Variants in SLC30A7 observed in about 807,000 individuals in gnomAD.
SLC30A7 encodes solute carrier family 30 member 7.
SLC30A7 carries 35 observed loss-of-function variants against 46.0 expected under a neutral mutation model. The ratio of observed to expected loss-of-function variants is 0.76; its 90% CI spans 0.58 to 1.01. The LOEUF (loss-of-function observed/expected upper bound fraction) is 1.01, where lower values mean the gene tolerates loss of function less well. Among genes scored for constraint, SLC30A7 ranks in the 50% least tolerant of loss-of-function variants. The pLI is 0.00. For synonymous variants in SLC30A7, 147 were observed against 157.8 expected (o/e 0.93, Z 0.51); for missense variants, 464 against 451.1 (o/e 1.03, Z -0.26).
chr1:100,994,777 T>G, the SLC30A7 span, among the ~76,000 whole-genome samples: 2 of 152,182 alleles, frequency 1.3e-5, no homozygotes, highest in Non-Finnish European at 2.9e-5. Context: ...TCCACCTGCC[T>G]CAGCCTCCCA....
chr1:100,996,011 A>T, the SLC30A7 span: 1 of 152,252 alleles, frequency 6.6e-6, no homozygotes, highest in Non-Finnish European at 1.5e-5. Flanking sequence ...TATAAAGGAT[A>T]TCAAAGAGTT....
chr1:100,969,051 C>T (rs1009860215), intron 10 of SLC30A7, among the ~76,000 whole-genome samples: 6 of 152,044 alleles, frequency 3.9e-5, no homozygotes, highest in Non-Finnish European at 7.4e-5. Context: ...AATAATCTTA[C>T]GTATAATTAG....
chr1:100,987,246 T>C, the SLC30A7 span, among the ~76,000 whole-genome samples: 43 of 152,342 alleles, frequency 2.8e-4, no homozygotes, highest in Non-Finnish European at 5.0e-4. Context: ...TCACTCAGTT[T>C]ATTGGATCTG....
At chr1:100,949,165 T>A (rs989032923) in intron 8 of SLC30A7, among the ~76,000 whole-genome samples, 1 of 152,204 alleles carries the variant, frequency 6.6e-6, no homozygotes, top group Non-Finnish European at 1.5e-5. Context: ...TGGTTTTATC[T>A]ACCTTTGGTC....
chr1:100,907,692 CCT>C (rs1553235598), intron 3 of SLC30A7, among the ~76,000 whole-genome samples: 1 of 151,302 alleles, frequency 6.6e-6, no homozygotes, highest in Admixed American at 6.6e-5. Context: ...TAATTCTTCC[CCT>C]CTGTCCTTTT....
At chr1:100,940,071 C>T (rs999844250) in intron 8 of SLC30A7, among the ~76,000 whole-genome samples, 1 of 151,820 alleles carries the variant, frequency 6.6e-6, no homozygotes, top group South Asian at 2.1e-4. Flanking sequence ...AATGAGATAC[C>T]TGAAAGAGCA....
chr1:100,950,551 C>T (rs1264588009), intron 8 of SLC30A7, among the ~76,000 whole-genome samples: 1 of 152,170 alleles, frequency 6.6e-6, no homozygotes, highest in Non-Finnish European at 1.5e-5. Context: ...AAAACTTTCA[C>T]ATTGTTTTCT....
intron 7 of SLC30A7, among the ~76,000 whole-genome samples, chr1:100,920,147 C>A (rs1570531170): frequency 6.6e-6 from 1 of 152,006 alleles, no homozygotes; most frequent in African/African-American, 2.4e-5. Context: ...AAGAACAAAT[C>A]ATTATTTTCT....
chr1:100,975,636 T>C lies in SLC30A7; in HGVS notation c.*779T>C, dbSNP rs1656424148. On this transcript the variant is annotated 3_prime_UTR_variant, in exon 11 of 11. Coordinates refer to ENST00000357650, the MANE Select transcript of SLC30A7 (RefSeq NM_133496.5). ...TCTGCTTCCCGGGTTCAAGCTATTCTCCTGCCTCAGCCTTCTGAGTAGCTG... is the reference window on the plus strand; with the variant it reads ...TCTGCTTCCCGGGTTCAAGCTATTCCCCTGCCTCAGCCTTCTGAGTAGCTG... 1 of 152,368 alleles carries C rather than the reference T, an allele frequency of 6.6e-6. No homozygotes were observed. Among genetic ancestry groups the C allele is most frequent in the Non-Finnish European group, 1.5e-5 (1 of 68,138 alleles). The allele number at this position is 152,368 out of a possible 1,614,324, so 9.4% of individuals were successfully genotyped here.
chr1:100,907,742 T>C (rs2391574), intron 3 of SLC30A7, among the ~76,000 whole-genome samples: 16,982 of 151,854 alleles, frequency 0.11, 1,204 homozygotes, highest in Non-Finnish European at 0.16. Flanking sequence ...AGTGCTCTTT[T>C]ACATTCTCTT....
the SLC30A7 span, among the ~76,000 whole-genome samples, chr1:100,994,222 T>G: frequency 1.3e-5 from 2 of 151,870 alleles, no homozygotes; most frequent in Non-Finnish European, 2.9e-5. Context: ...TGTATTTAAC[T>G]TTCATAAAAT....
intron 6 of SLC30A7, among the ~76,000 whole-genome samples, chr1:100,915,241 CT>C (rs1352392401): frequency 5.7e-5 from 5 of 87,144 alleles, no homozygotes; most frequent in African/African-American, 9.2e-5. Flanking sequence ...TTCTTTCTTT[CT>C]TTCTTTCTTT....
chr1:100,979,872 T>G lies in SLC30A7; in HGVS notation c.*5015T>G, dbSNP rs1288468876. The G allele has an allele frequency of 6.6e-6, 1 of 152,142 alleles. No homozygotes were observed. The highest frequency in any genetic ancestry group is 1.5e-5 in the Non-Finnish European group (1 of 67,982). The allele number at this position is 152,142 out of a possible 1,614,324, so 9.4% of individuals were successfully genotyped here. On this transcript the variant is annotated 3_prime_UTR_variant, in exon 11 of 11. Transcript: ENST00000357650. ...CTGCTTTGTGTATGTAATTCAGCAGTGCTTCAAAGATCCAAGAAGCTGTAG... is the reference window on the plus strand; with the variant it reads ...CTGCTTTGTGTATGTAATTCAGCAGGGCTTCAAAGATCCAAGAAGCTGTAG...
chr1:100,976,522 C>A lies in SLC30A7; in HGVS notation c.*1665C>A, dbSNP rs889259435. 6 of 152,104 alleles carry A rather than the reference C, an allele frequency of 3.9e-5. No individual in the cohort carries two copies. Among genetic ancestry groups the A allele is most frequent in the African/African-American group, 1.4e-4 (6 of 41,406 alleles). 9.4% of individuals were successfully genotyped at this position (152,104 alleles called of 1,614,324 possible). ...TGCTTGAGCACTCTACTTAAGTATT[C>A]TCTGTGTTTTATGAAGAGAAAATGA... is the stretch of plus-strand genomic sequence containing the variant. On this transcript the variant is annotated 3_prime_UTR_variant, in exon 11 of 11. Coordinates refer to ENST00000357650, the MANE Select transcript of SLC30A7 (RefSeq NM_133496.5).
intron 8 of SLC30A7, among the ~76,000 whole-genome samples, chr1:100,945,214 A>C (rs940731423): frequency 6.6e-6 from 1 of 152,030 alleles, no homozygotes; most frequent in Non-Finnish European, 1.5e-5. Flanking sequence ...AGATTGCAAA[A>C]ATTTTCTCCC....
At chr1:100,934,237 T>G (rs576080988) in intron 8 of SLC30A7, among the ~76,000 whole-genome samples, 1 of 152,374 alleles carries the variant, frequency 6.6e-6, no homozygotes, top group Admixed American at 6.5e-5. Context: ...AAGTACCACT[T>G]CATGGAGTGT....
chr1:100,983,970 A>C (rs945104080), downstream of SLC30A7, among the ~76,000 whole-genome samples: 4 of 152,236 alleles, frequency 2.6e-5, no homozygotes, highest in African/African-American at 9.6e-5. Context: ...TATGTGCATC[A>C]TACTACTTTC....
At chr1:100,940,065 A>G (rs1654251364) in intron 8 of SLC30A7, among the ~76,000 whole-genome samples, 1 of 152,146 alleles carries the variant, frequency 6.6e-6, no homozygotes, top group Non-Finnish European at 1.5e-5. Flanking sequence ...GAACATAATG[A>G]GATACCTGAA....
At chr1:100,982,504 G>A (rs1006481975), downstream of SLC30A7, among the ~76,000 whole-genome samples, 2 of 152,146 alleles carry the variant, frequency 1.3e-5, no homozygotes, top group Non-Finnish European at 2.9e-5. Context: ...CCAATTTGTC[G>A]GAATTCTTCA....
Sources: allele counts gnomAD v4.1 joint callset (sites outside exome capture counted in the v4.1 genomes callset), GRCh38; gene constraint gnomAD v4.1.1; transcripts MANE v1.5; gene names NCBI Gene and HGNC (gene_info 2026-07-23, HGNC 2026-07-21).